The following RNASE8 variants were observed in gnomAD, a reference collection of about 807,000 sequenced individuals.
The protein encoded by RNASE8 is ribonuclease 8.
For synonymous variants in RNASE8, 68 were observed against 74.1 expected, an observed-to-expected ratio of 0.92 and a Z score of 0.42; for missense variants, 179 against 187.9, an observed-to-expected ratio of 0.95 and a Z score of 0.28.
Position 21,057,852 on chromosome 14 carries a change from A to T in RNASE8, c.-41A>T, listed in dbSNP as rs749353066. ...CTCCCCCATGATGACCTATTCATCC[A>T]CCTACCTCCTCACTCTGTTCCACTG... On this transcript the variant is annotated 5_prime_UTR_variant, in exon 1 of 1. Transcript: ENST00000308227. The T allele has an allele frequency of 3.2e-6, 5 of 1,563,568 alleles. No individual in the cohort carries two copies. In the Admixed American group the frequency reaches 8.5e-5, roughly 27 times the overall value.
In RNASE8 at chr14:21,058,270, C is replaced by T; in HGVS notation, c.378C>T (p.Asn126=). 6.2e-7 allele frequency: 1 copy of T among 1,614,176 alleles called. No homozygotes were observed. The highest frequency in any genetic ancestry group is 1.3e-5 in the African/African-American group (1 of 75,038). Residue 126 remains asparagine (N), a synonymous_variant, in exon 1 of 1, where the codon AAC becomes AAT. Coordinates refer to ENST00000308227, the MANE Select transcript of RNASE8 (RefSeq NM_138331.2). ...PNCRYKEKHL[N]TPYIVACDPP... ...GCAGGTACAAAGAGAAGCACCTGAA[C>T]ACACCTTACATAGTGGCCTGTGACC...
Position 21,058,131 on chromosome 14 carries a change from T to C in RNASE8, c.239T>C (p.Ile80Thr). The change falls in exon 1 of 1, where the codon ATC (isoleucine) becomes ACC (threonine). Residue 80 changes from isoleucine (I) to threonine (T), a missense_variant. By Grantham distance (89) the Ile-to-Thr change is moderately conservative. Coordinates refer to ENST00000308227, the MANE Select transcript of RNASE8 (RefSeq NM_138331.2). ...FLHEPFSSVA[I>T]TCQTPNIACK... ...CACGAGCCCTTCTCCAGTGTGGCCATCACCTGCCAGACCCCCAACATAGCC... is the reference window on the plus strand; with the variant it reads ...CACGAGCCCTTCTCCAGTGTGGCCACCACCTGCCAGACCCCCAACATAGCC... 6.2e-7 allele frequency: 1 copy of C among 1,614,076 alleles called. No individual in the cohort carries two copies. Among genetic ancestry groups the C allele is most frequent in the East Asian group, 2.2e-5 (1 of 44,884 alleles).
chr14:21,058,091 C>T lies in RNASE8; in HGVS notation c.199C>T (p.Leu67Phe). 6.2e-7 allele frequency: 1 copy of T among 1,614,138 alleles called. No individual in the cohort carries two copies. The highest frequency in any genetic ancestry group is 8.5e-7 in the Non-Finnish European group (1 of 1,180,026). ...INKYTERCKD[L>F]NTFLHEPFSS... ...TAAGTACACAGAACGGTGCAAAGAC[C>T]TCAACACCTTCCTGCACGAGCCCTT... Residue 67 changes from leucine to phenylalanine, a missense_variant, in exon 1 of 1, where the codon CTC (leucine) becomes TTC (phenylalanine). Physicochemically the swap from Leu to Phe is conservative, Grantham distance 22. Coordinates refer to ENST00000308227, the MANE Select transcript of RNASE8 (RefSeq NM_138331.2).
chr14:21,058,140 A>G lies in RNASE8; in HGVS notation c.248A>G (p.Gln83Arg). 1 of 1,614,190 alleles carries G rather than the reference A, an allele frequency of 6.2e-7. No individual in the cohort carries two copies. Among genetic ancestry groups the G allele is most frequent in the Non-Finnish European group, 8.5e-7 (1 of 1,180,032 alleles). The change falls in exon 1 of 1, where the codon CAG becomes CGG. Residue 83 changes from glutamine to arginine, a missense_variant. Gln to Arg is a conservative substitution (Grantham distance 43). Coordinates refer to ENST00000308227, the MANE Select transcript of RNASE8 (RefSeq NM_138331.2). ...TTCTCCAGTGTGGCCATCACCTGCC[A>G]GACCCCCAACATAGCCTGCAAGAAT... ...EPFSSVAITCQTPNIACKNSC... is the reference protein window; with the variant it reads ...EPFSSVAITCRTPNIACKNSC...
Position 21,058,095 on chromosome 14 carries a change from A to G in RNASE8, c.203A>G (p.Asn68Ser), listed in dbSNP as rs1885763169. ...TACACAGAACGGTGCAAAGACCTCA[A>G]CACCTTCCTGCACGAGCCCTTCTCC... ...NKYTERCKDLNTFLHEPFSSV... is the reference protein window; with the variant it reads ...NKYTERCKDLSTFLHEPFSSV... Residue 68 changes from asparagine (N) to serine (S), a missense_variant, in exon 1 of 1, where the codon AAC becomes AGC. Transcript: ENST00000308227. The G allele has an allele frequency of 6.2e-7, 1 of 1,613,960 alleles. No individual in the cohort carries two copies. The highest frequency in any genetic ancestry group is 1.3e-5 in the African/African-American group (1 of 74,868).
Position 21,057,967 on chromosome 14 carries a change from C to T in RNASE8, c.75C>T (p.Val25=), listed in dbSNP as rs372625759. The change falls in exon 1 of 1, where the codon GTC becomes GTT. Residue 25 remains valine, a synonymous_variant. Coordinates refer to ENST00000308227, the MANE Select transcript of RNASE8 (RefSeq NM_138331.2). ...LLGLWVAEVL[V]RAKPKDMTSS... is the part of the protein sequence containing the mutation. The stretch of plus-strand genomic sequence containing the variant: ...GGCTGTGGGTGGCAGAGGTCCTAGT[C>T]AGAGCCAAGCCCAAGGACATGACAT... 1 of 1,613,966 alleles carries T rather than the reference C, an allele frequency of 6.2e-7. No homozygotes were observed. Among genetic ancestry groups the T allele is most frequent in the African/African-American group, 1.3e-5 (1 of 74,884 alleles).
Position 21,057,844 on chromosome 14 carries a change from A to G in RNASE8, c.-49A>G, listed in dbSNP as rs748376909. 2 of 1,526,122 alleles carry G rather than the reference A, an allele frequency of 1.3e-6. No homozygotes were observed. Among genetic ancestry groups the G allele is most frequent in the African/African-American group, 2.7e-5 (2 of 73,314 alleles). 94.5% of individuals were successfully genotyped at this position (1,526,122 alleles called of 1,614,324 possible). ...TAACAAGACTCCCCCATGATGACCT[A>G]TTCATCCACCTACCTCCTCACTCTG... On this transcript the variant is annotated 5_prime_UTR_variant, in exon 1 of 1. Transcript: ENST00000308227.
Position 21,058,431 on chromosome 14 carries a change from T to A in RNASE8, c.*74T>A. On this transcript the variant is annotated 3_prime_UTR_variant, in exon 1 of 1. Coordinates refer to ENST00000308227, the MANE Select transcript of RNASE8 (RefSeq NM_138331.2). ...GCTTTTCCTCCCTCCAGTTCGTTAT[T>A]AATCCTTGCTCCCCACTGCAAATGC... is the stretch of plus-strand genomic sequence containing the variant. The A allele has an allele frequency of 2.8e-6, 3 of 1,085,176 alleles. No homozygotes were observed. Among genetic ancestry groups the A allele is most frequent in the South Asian group, 3.0e-5 (2 of 66,394 alleles). 67.2% of individuals were successfully genotyped at this position (1,085,176 alleles called of 1,614,324 possible).
Position 21,058,318 on chromosome 14 carries a change from G to A in RNASE8, c.426G>A (p.Gly142=), listed in dbSNP as rs767937886. Reference sequence around the variant, plus strand: ...ACCCTCCACAACAGGGTGACCCAGGGTACCCACTTGTTCCTGTGCACTTGG... The same window carrying A: ...ACCCTCCACAACAGGGTGACCCAGGATACCCACTTGTTCCTGTGCACTTGG... The part of the protein sequence containing the change: ...ACDPPQQGDP[G]YPLVPVHLDK... Residue 142 remains glycine, a synonymous_variant, in exon 1 of 1, where the codon GGG becomes GGA. Transcript: ENST00000308227. The A allele has an allele frequency of 6.2e-7, 1 of 1,613,220 alleles. No individual in the cohort carries two copies. Among genetic ancestry groups the A allele is most frequent in the East Asian group, 2.2e-5 (1 of 44,872 alleles).
chr14:21,058,413 C>A lies in RNASE8; in HGVS notation c.*56C>A. The A allele has an allele frequency of 7.8e-7, 1 of 1,290,260 alleles. No individual in the cohort carries two copies. Among genetic ancestry groups the A allele is most frequent in the African/African-American group, 1.5e-5 (1 of 67,686 alleles). The allele number at this position is 1,290,260 out of a possible 1,614,324, so 79.9% of individuals were successfully genotyped here. ...TGCAGACTGTATGCTGCTGCTTTTC[C>A]TCCCTCCAGTTCGTTATTAATCCTT... On this transcript the variant is annotated 3_prime_UTR_variant, in exon 1 of 1. Transcript: ENST00000308227.
chr14:21,058,024 G>A lies in RNASE8; in HGVS notation c.132G>A (p.Gln44=). ...AGTGGTTTAAAACTCAGCATGTGCA[G>A]CCCAGCCCTCAAGCATGCAACTCAG... ...SSQWFKTQHV[Q]PSPQACNSAM... The change falls in exon 1 of 1, where the codon CAG becomes CAA. Residue 44 remains glutamine (Q), a synonymous_variant. Coordinates refer to ENST00000308227, the MANE Select transcript of RNASE8 (RefSeq NM_138331.2). 6.2e-7 allele frequency: 1 copy of A among 1,614,126 alleles called. No homozygotes were observed.
rs753453126 is a variant in RNASE8 at position 21,058,435 on chromosome 14, C to CCTTG, written c.*81_*84dup. 2 of 1,040,890 alleles carry CCTTG rather than the reference C, an allele frequency of 1.9e-6. No individual in the cohort carries two copies. The highest frequency in any genetic ancestry group is 2.8e-6 in the Non-Finnish European group (2 of 709,656). 64.5% of individuals were successfully genotyped at this position (1,040,890 alleles called of 1,614,324 possible). ...TTCCTCCCTCCAGTTCGTTATTAATCCTTGCTCCCCACTGCAAATGCCATT... is the reference window on the plus strand; with the variant it reads ...TTCCTCCCTCCAGTTCGTTATTAATCCTTGCTTGCTCCCCACTGCAAATGCCATT... On this transcript the variant is annotated 3_prime_UTR_variant, in exon 1 of 1. Transcript: ENST00000308227.
chr14:21,058,127 G>A lies in RNASE8; in HGVS notation c.235G>A (p.Ala79Thr). Reference protein sequence around the residue: ...TFLHEPFSSVAITCQTPNIAC... With the variant: ...TFLHEPFSSVTITCQTPNIAC... ...CCTGCACGAGCCCTTCTCCAGTGTG[G>A]CCATCACCTGCCAGACCCCCAACAT... Residue 79 changes from alanine to threonine, a missense_variant, in exon 1 of 1, where the codon GCC (alanine) becomes ACC (threonine). By Grantham distance (58) the Ala-to-Thr change is moderately conservative. Transcript: ENST00000308227. 6.2e-7 allele frequency: 1 copy of A among 1,614,102 alleles called. No homozygotes were observed.
chr14:21,057,940 G>C lies in RNASE8; in HGVS notation c.48G>C (p.Leu16=), dbSNP rs752464100. 6.2e-7 allele frequency: 1 copy of C among 1,614,012 alleles called. No individual in the cohort carries two copies. The highest frequency in any genetic ancestry group is 1.7e-5 in the Admixed American group (1 of 60,004). The change falls in exon 1 of 1, where the codon CTG becomes CTC. Residue 16 remains leucine, a synonymous_variant. Transcript: ENST00000308227. ...AGCCPLLLLL[L]GLWVAEVLVR... ...GCTGCCCCCTGCTGCTGCTGCTTCTGGGGCTGTGGGTGGCAGAGGTCCTAG... is the reference window on the plus strand; with the variant it reads ...GCTGCCCCCTGCTGCTGCTGCTTCTCGGGCTGTGGGTGGCAGAGGTCCTAG...
In RNASE8 at chr14:21,058,311, A is replaced by C; in HGVS notation, c.419A>C (p.Asp140Ala). 1 of 1,613,618 alleles carries C rather than the reference A, an allele frequency of 6.2e-7. No individual in the cohort carries two copies. Among genetic ancestry groups the C allele is most frequent in the South Asian group, 1.1e-5 (1 of 90,996 alleles). Residue 140 changes from aspartate to alanine, a missense_variant, in exon 1 of 1, where the codon GAC becomes GCC. Transcript: ENST00000308227. ...GCCTGTGACCCTCCACAACAGGGTG[A>C]CCCAGGGTACCCACTTGTTCCTGTG... ...IVACDPPQQG[D>A]PGYPLVPVHL...
In RNASE8 at chr14:21,058,235, T is replaced by C. The variant is rs778554663; in HGVS notation, c.343T>C (p.Tyr115His). 6.2e-7 allele frequency: 1 copy of C among 1,614,028 alleles called. No homozygotes were observed. Among genetic ancestry groups the C allele is most frequent in the Middle Eastern group, 1.6e-4 (1 of 6,062 alleles). The change falls in exon 1 of 1, where the codon TAC becomes CAC. Residue 115 changes from tyrosine to histidine, a missense_variant. Coordinates refer to ENST00000308227, the MANE Select transcript of RNASE8 (RefSeq NM_138331.2). The stretch of plus-strand genomic sequence containing the variant: ...CATGGGTGAGCTCACCTCAGGGAAG[T>C]ACCCAAACTGCAGGTACAAAGAGAA... ...LTMGELTSGK[Y>H]PNCRYKEKHL...
rs769082266 is a variant in RNASE8 at position 21,058,082 on chromosome 14, T to G, written c.190T>G (p.Cys64Gly). ...MSIINKYTERCKDLNTFLHEP... is the reference protein window; with the variant it reads ...MSIINKYTERGKDLNTFLHEP... ...CATCATCAATAAGTACACAGAACGG[T>G]GCAAAGACCTCAACACCTTCCTGCA... The change falls in exon 1 of 1, where the codon TGC becomes GGC. Residue 64 changes from cysteine to glycine, a missense_variant. By Grantham distance (159) the Cys-to-Gly change is radical. Transcript: ENST00000308227. 4 of 1,614,096 alleles carry G rather than the reference T, an allele frequency of 2.5e-6. No individual in the cohort carries two copies. In the East Asian group the frequency reaches 8.9e-5, roughly 36 times the overall value.
rs376760262 is a variant in RNASE8 at position 21,058,080 on chromosome 14, G to A, written c.188G>A (p.Arg63Gln). The A allele has an allele frequency of 8.1e-6, 13 of 1,613,902 alleles. No homozygotes were observed. The African/African-American group carries it at 9.4e-5, about 12-fold the overall frequency. Residue 63 changes from arginine to glutamine, a missense_variant, in exon 1 of 1, where the codon CGG becomes CAG. By Grantham distance (43) the Arg-to-Gln change is conservative. Coordinates refer to ENST00000308227, the MANE Select transcript of RNASE8 (RefSeq NM_138331.2). ...AMSIINKYTE[R>Q]CKDLNTFLHE... Reference sequence around the variant, plus strand: ...AGCATCATCAATAAGTACACAGAACGGTGCAAAGACCTCAACACCTTCCTG... The same window carrying A: ...AGCATCATCAATAAGTACACAGAACAGTGCAAAGACCTCAACACCTTCCTG...
Position 21,058,208 on chromosome 14 carries a change from A to G in RNASE8, c.316A>G (p.Thr106Ala). 1 of 1,614,128 alleles carries G rather than the reference A, an allele frequency of 6.2e-7. No individual in the cohort carries two copies. Residue 106 changes from threonine to alanine, a missense_variant, in exon 1 of 1, where the codon ACC becomes GCC. By Grantham distance (58) the Thr-to-Ala change is moderately conservative. Transcript: ENST00000308227. ...CHQSHGPMSL[T>A]MGELTSGKYP... Reference sequence around the variant, plus strand: ...CCAGAGCCACGGGCCCATGTCCCTGACCATGGGTGAGCTCACCTCAGGGAA... The same window carrying G: ...CCAGAGCCACGGGCCCATGTCCCTGGCCATGGGTGAGCTCACCTCAGGGAA...
Sources: gnomAD v4.1 joint callset for allele counts on GRCh38, gnomAD v4.1.1 for gene constraint, MANE v1.5 for transcripts, NCBI Gene and HGNC (gene_info 2026-07-23, HGNC 2026-07-21) for gene names.